Variants in STK3 observed in about 807,000 individuals in gnomAD.
STK3 encodes the protein serine/threonine-protein kinase 3.
A neutral mutation model predicts 58.0 loss-of-function variants in STK3; 41 were observed. The ratio of observed to expected loss-of-function variants is 0.71; its 90% confidence interval spans 0.55 to 0.92. The LOEUF (loss-of-function observed/expected upper bound fraction) is 0.92. Among genes scored for constraint, STK3 ranks in the 40% least tolerant of loss-of-function variants. STK3 has a pLI of 0.00. For missense variants in STK3, 479 were observed against 602.7 expected (o/e 0.79, Z 2.15); for synonymous variants, 170 against 191.0 (o/e 0.89, Z 0.91).
At position 98,837,228 on chromosome 8, in the gene STK3, G is replaced by A. The variant is rs975345792; in HGVS notation, c.110+46419C>T. Among the ~76,000 whole-genome samples, 4 of 152,092 alleles carry A rather than the reference G, an allele frequency of 2.6e-5. No individual in the cohort carries two copies. The South Asian group carries it at 6.2e-4, about 24-fold the overall frequency. ...ATATGGCCCTTGCCCTCTCAGAACT[G>A]CTTAGTTGAAGATATAGAGTATATA... On this transcript the variant is annotated intron_variant, in intron 3 of 12. Coordinates refer to the STK3 transcript ENST00000523601.
At chr8:98,372,376 G>T (rs1817618823) in intron 2 of STK3, among the ~76,000 whole-genome samples, 1 of 152,192 alleles carries the variant, frequency 6.6e-6, no homozygotes, top group Admixed American at 6.5e-5. Flanking sequence ...GCCATCAGCT[G>T]GGGAGGCCCG....
intron 6 of STK3, among the ~76,000 whole-genome samples, chr8:98,615,218 C>G (rs1446572701): frequency 6.6e-6 from 1 of 151,194 alleles, no homozygotes; most frequent in Admixed American, 6.6e-5. Context: ...CCTCACACGG[C>G]AGGGTATTCC....
chr8:98,617,513 T>C (rs1181402763), intron 6 of STK3, among the ~76,000 whole-genome samples: 3 of 148,498 alleles, frequency 2.0e-5, no homozygotes, highest in Non-Finnish European at 4.5e-5. Flanking sequence ...AAAAAATCAA[T>C]GAATCCAGGA....
chr8:98,581,848 GT>G (rs1438610097), intron 7 of STK3, among the ~76,000 whole-genome samples: 1 of 151,752 alleles, frequency 6.6e-6, no homozygotes, highest in African/African-American at 2.4e-5. Context: ...TTTTATGCTT[GT>G]TTTATATACT....
chr8:98,568,459 T>C (rs1586884074), intron 8 of STK3, among the ~76,000 whole-genome samples: 1 of 152,032 alleles, frequency 6.6e-6, no homozygotes, highest in African/African-American at 2.4e-5. Context: ...GAATTCAGAG[T>C]AGTGAACCCT....
chr8:98,510,334 T>C (rs905855302), intron 10 of STK3, among the ~76,000 whole-genome samples: 1 of 152,072 alleles, frequency 6.6e-6, no homozygotes, highest in East Asian at 1.9e-4. Context: ...GTGTTCTTTT[T>C]CTCCTTCCAA....
intron 6 of STK3, among the ~76,000 whole-genome samples, chr8:98,694,676 G>A (rs1563897613): frequency 6.6e-6 from 1 of 152,122 alleles, no homozygotes; most frequent in African/African-American, 2.4e-5. Flanking sequence ...CAAAGAACAT[G>A]AACTCATCAT....
chr8:98,641,757 A>C (rs1400546202), intron 6 of STK3, among the ~76,000 whole-genome samples: 1 of 152,258 alleles, frequency 6.6e-6, no homozygotes, highest in Non-Finnish European at 1.5e-5. Flanking sequence ...AGTGCCATGA[A>C]GAGTAGAGGG....
intron 6 of STK3, among the ~76,000 whole-genome samples, chr8:98,618,244 C>A (rs1175852020): frequency 1.3e-5 from 2 of 149,968 alleles, no homozygotes; most frequent in Non-Finnish European, 3.0e-5. Context: ...GCAGAAAAAG[C>A]CTTTGACAAA....
chr8:98,896,963 A>G (rs1219415724), intron 1 of STK3, among the ~76,000 whole-genome samples: 1 of 152,188 alleles, frequency 6.6e-6, no homozygotes, highest in Non-Finnish European at 1.5e-5. Context: ...TGGGCGACAG[A>G]GACCCTGTCT....
chr8:98,588,200 T>C (rs1814846463), intron 7 of STK3, among the ~76,000 whole-genome samples: 2 of 152,314 alleles, frequency 1.3e-5, no homozygotes, highest in African/African-American at 2.4e-5. Context: ...GTCTCGATGG[T>C]CTTTACACTT....
At chr8:98,518,451 T>C (rs1476109366) in intron 10 of STK3, among the ~76,000 whole-genome samples, 2 of 152,028 alleles carry the variant, frequency 1.3e-5, no homozygotes, top group African/African-American at 2.4e-5. Flanking sequence ...AAGAAAAAAA[T>C]TTTAAAAACC....
At chr8:98,695,906 C>A in intron 6 of STK3, among the ~76,000 whole-genome samples, 1 of 152,082 alleles carries the variant, frequency 6.6e-6, no homozygotes. Context: ...TGAAGAAAGT[C>A]ATTGGTAGCT....
chr8:98,714,409 A>C (rs578259342), intron 4 of STK3, among the ~76,000 whole-genome samples: 142 of 152,316 alleles, frequency 9.3e-4, no homozygotes, highest in African/African-American at 3.2e-3. Flanking sequence ...AAATCTCCTT[A>C]AGCCAACAGG....
At chr8:98,557,912 T>G (rs1811724279) in intron 8 of STK3, among the ~76,000 whole-genome samples, 1 of 152,064 alleles carries the variant, frequency 6.6e-6, no homozygotes, top group Non-Finnish European at 1.5e-5. Flanking sequence ...CAAGCCTAAT[T>G]GGTGAAAAGG....
intron 6 of STK3, among the ~76,000 whole-genome samples, chr8:98,699,092 C>G (rs930332122): frequency 5.1e-4 from 78 of 152,312 alleles, no homozygotes; most frequent in African/African-American, 1.7e-3. Context: ...AACTTCCCTT[C>G]TCGCTTCATT....
intron 6 of STK3, among the ~76,000 whole-genome samples, chr8:98,604,236 G>C (rs1479059766): frequency 1.3e-5 from 2 of 152,208 alleles, no homozygotes; most frequent in Non-Finnish European, 2.9e-5. Context: ...AGCCTAGTGA[G>C]ATATGTGTTA....
chr8:98,886,082 G>A (rs1837978950), intron 1 of STK3, among the ~76,000 whole-genome samples: 1 of 152,182 alleles, frequency 6.6e-6, no homozygotes, highest in Admixed American at 6.5e-5. Context: ...TGACTATAAG[G>A]TAGCAGTATA....
chr8:98,382,632 G>A (rs931507026), intron 1 of STK3, among the ~76,000 whole-genome samples: 3 of 151,984 alleles, frequency 2.0e-5, no homozygotes, highest in Non-Finnish European at 2.9e-5. Context: ...CATGAGGTGG[G>A]GTCTGCCTGG....
Sources: gnomAD v4.1 joint callset for allele counts (sites outside exome capture counted in the v4.1 genomes callset) on GRCh38, gnomAD v4.1.1 for gene constraint, MANE v1.5 for transcripts, NCBI Gene and HGNC (gene_info 2026-07-23, HGNC 2026-07-21) for gene names.